Variants in SPTBN4 observed in about 807,000 individuals in gnomAD.
SPTBN4 encodes spectrin beta chain, non-erythrocytic 4.
In SPTBN4, 96 loss-of-function variants were observed where a neutral mutation model predicts 277.8. The observed-to-expected ratio is 0.35, with a 90% CI of 0.29 to 0.41. SPTBN4 has a LOEUF of 0.41. Among genes scored for constraint, SPTBN4 ranks in the 10% least tolerant of loss-of-function variants. SPTBN4 has a pLI of 1.00. For synonymous variants in SPTBN4, 1,481 were observed against 1,580.3 expected (o/e 0.94, Z 1.49); for missense variants, 3,006 against 3,595.7 (o/e 0.84, Z 4.19).
intron 6 of SPTBN4, among the ~76,000 whole-genome samples, chr19:40,496,953 A>G (rs2080204173): frequency 1.3e-5 from 2 of 151,780 alleles, no homozygotes; most frequent in African/African-American, 4.8e-5. Context: ...CACACCTGCA[A>G]TCCCAGCTAC....
rs186109024 is a variant in SPTBN4, at chr19:40,499,723, T to C, written c.784+2119T>C. ...AACCTGTCTTCCAAAGTGATGAGAA[T>C]GACAGCTCAGGGATGTTGTCACTTG... On this transcript the variant is annotated intron_variant, in intron 7 of 35. Transcript: ENST00000598249. Among the ~76,000 whole-genome samples, 18 of 152,176 alleles carry C rather than the reference T, an allele frequency of 1.2e-4. No individual in the cohort carries two copies. In the East Asian group the frequency reaches 3.5e-3, roughly 30 times the overall value.
intron 7 of SPTBN4, among the ~76,000 whole-genome samples, chr19:40,498,697 C>T (rs570414051): frequency 7.9e-4 from 118 of 150,214 alleles, no homozygotes; most frequent in African/African-American, 2.8e-3. Context: ...AGCCACCATG[C>T]CCGGCCTATT....
rs765098189 is a variant in SPTBN4, at chr19:40,554,644, C to G, written c.5082C>G (p.Asp1694Glu). 1.3e-6 allele frequency: 2 copies of G among 1,589,144 alleles called. No homozygotes were observed. Among genetic ancestry groups the G allele is most frequent in the Non-Finnish European group, 8.6e-7 (1 of 1,167,496 alleles). ...CRALLEMGHP[D>E]SEQISRRQSQ... ...CGCTGCTGGAGATGGGGCACCCGGA[C>G]AGGTGGGCGGGCGCGTGGCCAGTTC... The change falls in exon 24 of 36, where the codon GAC becomes GAG. Residue 1694 changes from aspartate (D) to glutamate (E), a missense_variant and splice_region_variant. Asp to Glu is a conservative substitution (Grantham distance 45). Around this residue, in one of 5 missense-constraint regions of SPTBN4, gnomAD observed 425 missense variants for 594.7 expected, o/e 0.71. Transcript: ENST00000598249. This position sits in a 1 kb window ranked among gnomAD's most constrained non-coding sequence, Gnocchi z 5.7.
At chr19:40,516,472 A>T (rs1027431262) in intron 15 of SPTBN4, among the ~76,000 whole-genome samples, 10 of 151,872 alleles carry the variant, frequency 6.6e-5, no homozygotes, top group Admixed American at 5.9e-4. Flanking sequence ...CCAGCTAATT[A>T]AAAAAAATTT....
intron 20 of SPTBN4, among the ~76,000 whole-genome samples, chr19:40,539,103 C>T (rs2145908118): frequency 6.6e-6 from 1 of 152,310 alleles, no homozygotes; most frequent in East Asian, 1.9e-4. Context: ...TCCCAAAGTG[C>T]TGGGATCACA....
In SPTBN4 at chr19:40,572,202, C is replaced by G. The variant is rs368870952; in HGVS notation, c.7493+10C>G. ...ATGTCTTCAAGCTCCAGTGAGCCCC[C>G]CAATGGGCAGGAGGGAGGGATCCAA... is the stretch of plus-strand genomic sequence containing the variant. On this transcript the variant is annotated intron_variant, in intron 34 of 35. Coordinates refer to ENST00000598249, the MANE Select transcript of SPTBN4 (RefSeq NM_020971.3). The G allele has an allele frequency of 2.1e-5, 34 of 1,594,198 alleles. No homozygotes were observed. Among genetic ancestry groups the G allele is most frequent in the Non-Finnish European group, 2.5e-5 (29 of 1,167,322 alleles).
intron 12 of SPTBN4, 51 bp downstream of exon 12, chr19:40,504,183 G>T: frequency 6.5e-7 from 1 of 1,528,170 alleles, no homozygotes; most frequent in African/African-American, 1.4e-5. Flanking sequence ...GGGAGGGGAG[G>T]ATGCAGACGC....
At chr19:40,507,046 GATAGAAACTCAGTTC>G (rs1281870243) in intron 13 of SPTBN4, among the ~76,000 whole-genome samples, 1 of 152,098 alleles carries the variant, frequency 6.6e-6, no homozygotes, top group Non-Finnish European at 1.5e-5. Flanking sequence ...TAACACAAGT[GATAGAAACTCAGTTC>G]AAATGGCTTA....
At chr19:40,553,440 G>A (rs2080940625) in intron 22 of SPTBN4, among the ~76,000 whole-genome samples, 1 of 152,154 alleles carries the variant, frequency 6.6e-6, no homozygotes, top group African/African-American at 2.4e-5. Context: ...CATCCTGGGT[G>A]ATAGAGTGAC....
At chr19:40,495,114 A>C in intron 6 of SPTBN4, 137 bp downstream of exon 6, 1 of 765,728 alleles carries the variant, frequency 1.3e-6, no homozygotes, top group Non-Finnish European at 2.1e-6. Flanking sequence ...ACACACATAC[A>C]GTTTTCTTTC....
At chr19:40,469,335 G>T (rs1476365054) in intron 1 of SPTBN4, among the ~76,000 whole-genome samples, 1 of 152,030 alleles carries the variant, frequency 6.6e-6, no homozygotes, top group Non-Finnish European at 1.5e-5. Flanking sequence ...CACAATCTCG[G>T]CTCACTACAA....
At position 40,560,809 on chromosome 19, in the gene SPTBN4, G is replaced by A. The variant is rs1166735196; in HGVS notation, c.5915+406G>A. ...CTTATTGCTCACATAGTGGTTGGATGTGAGTGTCCAGCAGAATCCTGTCCC... is the reference window on the plus strand; with the variant it reads ...CTTATTGCTCACATAGTGGTTGGATATGAGTGTCCAGCAGAATCCTGTCCC... On this transcript the variant is annotated intron_variant, in intron 27 of 35. Coordinates refer to ENST00000598249, the MANE Select transcript of SPTBN4 (RefSeq NM_020971.3). The surrounding 1 kb of genome is among the most constrained non-coding windows in gnomAD (Gnocchi z 5.2). 6 of 1,061,842 alleles carry A rather than the reference G, an allele frequency of 5.7e-6. No homozygotes were observed. Among genetic ancestry groups the A allele is most frequent in the Non-Finnish European group, 5.9e-6 (5 of 851,926 alleles). The allele number at this position is 1,061,842 out of a possible 1,614,324, so 65.8% of individuals were successfully genotyped here.
Position 40,549,516 on chromosome 19 carries a change from A to G in SPTBN4, c.4584+103A>G, listed in dbSNP as rs970684470. On this transcript the variant is annotated intron_variant, in intron 21 of 35. Coordinates refer to ENST00000598249, the MANE Select transcript of SPTBN4 (RefSeq NM_020971.3). The stretch of plus-strand genomic sequence containing the variant: ...AGATGGAGACGGCTGAGACCCTCCC[A>G]CTCATACGCTGAAAGACGCATTCAG... The G allele has an allele frequency of 6.6e-6, 6 of 914,578 alleles. No individual in the cohort carries two copies. The African/African-American group carries it at 1.1e-4, about 16-fold the overall frequency. 56.7% of individuals were successfully genotyped at this position (914,578 alleles called of 1,614,324 possible). A position where few individuals can be genotyped will look rare whatever the true frequency, so the allele number is the denominator to read the frequency against.
chr19:40,569,812 C>A, intron 32 of SPTBN4, 86 bp downstream of exon 32: 10 of 1,277,160 alleles, frequency 7.8e-6, no homozygotes, highest in Non-Finnish European at 1.1e-5. Flanking sequence ...AGTGCCTAGC[C>A]CTGGCAGGAC....
chr19:40,534,464 G>A, intron 20 of SPTBN4, 121 bp downstream of exon 20: 1 of 1,315,754 alleles, frequency 7.6e-7, no homozygotes, highest in Non-Finnish European at 1.0e-6. Context: ...TTTCAAACTT[G>A]TAGAAGATGA....
chr19:40,540,331 A>T (rs1438724522), intron 20 of SPTBN4, among the ~76,000 whole-genome samples: 1 of 152,142 alleles, frequency 6.6e-6, no homozygotes, highest in African/African-American at 2.4e-5. Flanking sequence ...CTTATGTGAT[A>T]CACGGTTACT....
chr19:40,487,666 G>A (rs1315757227), intron 2 of SPTBN4, 31 bp from the exon 3 acceptor site: 2 of 1,588,964 alleles, frequency 1.3e-6, no homozygotes, highest in Non-Finnish European at 1.7e-6. Context: ...AGGTGGAAGC[G>A]CCTGGGGGCT....
chr19:40,526,443 A>G (rs2080592907), intron 17 of SPTBN4, among the ~76,000 whole-genome samples: 1 of 151,992 alleles, frequency 6.6e-6, no homozygotes, highest in South Asian at 2.1e-4. Flanking sequence ...AAGTGCTGGG[A>G]TTACAGGCGT....
At chr19:40,518,447 T>A (rs2080484868) in intron 15 of SPTBN4, among the ~76,000 whole-genome samples, 1 of 152,196 alleles carries the variant, frequency 6.6e-6, no homozygotes, top group Non-Finnish European at 1.5e-5. Flanking sequence ...TTATTTATTT[T>A]GAGACAGGGT....
Sources: allele counts gnomAD v4.1 joint callset (sites outside exome capture counted in the v4.1 genomes callset), GRCh38; gene constraint gnomAD v4.1.1; regional missense constraint gnomAD v4.1.1; non-coding constraint Gnocchi (gnomAD v3.1); transcripts MANE v1.5; gene names NCBI Gene and HGNC (gene_info 2026-07-23, HGNC 2026-07-21).